NR2F1-AS1: variants seen among roughly 807,000 people sequenced by gnomAD.
The protein encoded by NR2F1-AS1 is NR2F1 antisense RNA 1.
At chr5:93,536,828 C>T (rs755373226) in intron 4 of NR2F1-AS1, among the ~76,000 whole-genome samples, 2 of 152,130 alleles carry the variant, frequency 1.3e-5, no homozygotes, top group Non-Finnish European at 2.9e-5. Context: ...ATAATTCCCA[C>T]GTGTTGTGGA....
chr5:93,573,723 C>T (rs1449450206), intron 1 of NR2F1-AS1, among the ~76,000 whole-genome samples: 1 of 152,194 alleles, frequency 6.6e-6, no homozygotes, highest in Non-Finnish European at 1.5e-5. Flanking sequence ...ACAGCACGCA[C>T]GGGACGCTGT....
chr5:93,535,869 A>T (rs1561488172), intron 4 of NR2F1-AS1, among the ~76,000 whole-genome samples: 1 of 152,166 alleles, frequency 6.6e-6, no homozygotes. Context: ...CCTATGGCTA[A>T]CATCATGCAA....
At chr5:93,533,778 T>TA (rs918878487) in intron 4 of NR2F1-AS1, among the ~76,000 whole-genome samples, 2 of 152,174 alleles carry the variant, frequency 1.3e-5, no homozygotes, top group Non-Finnish European at 2.9e-5. Context: ...ATATCTCTAG[T>TA]AAGAGAAAGG....
At chr5:93,530,075 CTTTTTTTTTTTTTTT>C (rs1227046832) in intron 4 of NR2F1-AS1, among the ~76,000 whole-genome samples, 1 of 97,914 alleles carries the variant, frequency 1.0e-5, no homozygotes, top group African/African-American at 4.1e-5. Flanking sequence ...AATTTGAAGG[CTTTTTTTTTTTTTTT>C]TTTTTTTTGA....
chr5:93,466,904 T>TG (rs34396649), intron 4 of NR2F1-AS1, among the ~76,000 whole-genome samples: 3,179 of 15,202 alleles, frequency 0.21, 668 homozygotes, highest in East Asian at 0.45. Flanking sequence ...ATCCCTTTTT[T>TG]GGGGGGGGGG....
At chr5:93,530,468 C>G (rs1474934363) in intron 4 of NR2F1-AS1, among the ~76,000 whole-genome samples, 2 of 152,102 alleles carry the variant, frequency 1.3e-5, no homozygotes, top group African/African-American at 2.4e-5. Flanking sequence ...GGTTCCTCTC[C>G]TTTAGGCCCT....
At chr5:93,466,165 A>T (rs949084624) in intron 4 of NR2F1-AS1, among the ~76,000 whole-genome samples, 1 of 152,136 alleles carries the variant, frequency 6.6e-6, no homozygotes, top group Non-Finnish European at 1.5e-5. Context: ...GGCCTTCGCA[A>T]CAGAATGAAG....
intron 4 of NR2F1-AS1, among the ~76,000 whole-genome samples, chr5:93,472,959 G>C: frequency 6.6e-6 from 1 of 151,858 alleles, no homozygotes; most frequent in East Asian, 1.9e-4. Flanking sequence ...ATTTAAACAT[G>C]ACCTGAACAA....
intron 4 of NR2F1-AS1, among the ~76,000 whole-genome samples, chr5:93,431,510 G>T (rs758566114): frequency 6.6e-6 from 1 of 152,198 alleles, no homozygotes; most frequent in Non-Finnish European, 1.5e-5. Context: ...TCTAGTTAGA[G>T]AAATTTATTT....
intron 4 of NR2F1-AS1, among the ~76,000 whole-genome samples, chr5:93,490,076 T>C (rs1362293876): frequency 1.3e-5 from 2 of 152,230 alleles, no homozygotes; most frequent in Non-Finnish European, 2.9e-5. Flanking sequence ...ATTGAGCATA[T>C]GTGTTACTTG....
At chr5:93,585,202 C>T (rs1249280454), upstream of NR2F1-AS1, 1 of 1,537,562 alleles carries the variant, frequency 6.5e-7, no homozygotes, top group Non-Finnish European at 8.8e-7. Flanking sequence ...CAGCCCGGAG[C>T]GCCCGCCACC....
intron 4 of NR2F1-AS1, among the ~76,000 whole-genome samples, chr5:93,446,841 G>A (rs1749721859): frequency 6.6e-6 from 1 of 152,074 alleles, no homozygotes. Context: ...CATGGTACTG[G>A]TACCAAAACA....
At chr5:93,577,870 C>T (rs1752930953) in intron 1 of NR2F1-AS1, among the ~76,000 whole-genome samples, 1 of 152,100 alleles carries the variant, frequency 6.6e-6, no homozygotes, top group African/African-American at 2.4e-5. Context: ...CAGAATAATA[C>T]CATTTTTAAC....
intron 4 of NR2F1-AS1, among the ~76,000 whole-genome samples, chr5:93,461,413 T>C (rs1750090058): frequency 6.6e-6 from 1 of 152,130 alleles, no homozygotes; most frequent in Non-Finnish European, 1.5e-5. Flanking sequence ...TGGGATGATC[T>C]GTGCAGCAAA....
chr5:93,424,254 C>T (rs926775595), intron 4 of NR2F1-AS1, among the ~76,000 whole-genome samples: 5 of 152,034 alleles, frequency 3.3e-5, no homozygotes, highest in African/African-American at 1.2e-4. Context: ...ATGCCTAGCA[C>T]ACCTGTTTTC....
chr5:93,509,309 GGTCAGTATCTGCATT>G (rs1561475117), intron 4 of NR2F1-AS1, among the ~76,000 whole-genome samples: 1 of 151,996 alleles, frequency 6.6e-6, no homozygotes, highest in Non-Finnish European at 1.5e-5. Context: ...TAATGAAAAT[GGTCAGTATCTGCATT>G]GTCTAATACA....
intron 4 of NR2F1-AS1, among the ~76,000 whole-genome samples, chr5:93,470,985 G>T (rs976404406): frequency 6.6e-6 from 1 of 151,640 alleles, no homozygotes; most frequent in African/African-American, 2.4e-5. Flanking sequence ...TGTCAAACTG[G>T]TATACTAGTT....
At chr5:93,543,099 T>C (rs1408699739) in intron 4 of NR2F1-AS1, 2 of 152,256 alleles carry the variant, frequency 1.3e-5, no homozygotes, top group African/African-American at 2.4e-5. Context: ...AAGATTTTGG[T>C]TGAAATGATC....
intron 4 of NR2F1-AS1, among the ~76,000 whole-genome samples, chr5:93,536,153 A>T (rs1751835296): frequency 1.3e-5 from 2 of 152,156 alleles, no homozygotes; most frequent in Admixed American, 1.3e-4. Context: ...CTAATAGTGA[A>T]CTATGTGAAA....
Sources: allele counts gnomAD v4.1 joint callset (sites outside exome capture counted in the v4.1 genomes callset), GRCh38; gene constraint gnomAD v4.1.1; transcripts MANE v1.5; gene names NCBI Gene and HGNC (gene_info 2026-07-23, HGNC 2026-07-21).